Variants in TMEM74 observed in about 807,000 individuals in gnomAD.
The protein encoded by TMEM74 is transmembrane protein 74.
A neutral mutation model predicts 18.1 loss-of-function variants in TMEM74; 13 were observed. That is an observed-to-expected ratio of 0.72 (90% CI 0.47 to 1.14). The LOEUF (loss-of-function observed/expected upper bound fraction) is 1.14, where lower values mean the gene tolerates loss of function less well. Ranked by LOEUF, TMEM74 falls within the 50% of genes most tolerant of loss-of-function variation. TMEM74 has a pLI of 0.00. For missense variants in TMEM74, 372 were observed against 375.9 expected (o/e 0.99, Z 0.09); for synonymous variants, 159 against 146.6 (o/e 1.08, Z -0.61).
intron 1 of TMEM74, among the ~76,000 whole-genome samples, chr8:108,671,794 C>T (rs1158411966): frequency 6.6e-6 from 1 of 152,038 alleles, no homozygotes; most frequent in Non-Finnish European, 1.5e-5. Flanking sequence ...GAAATATATT[C>T]AAGCAGTTAA....
At chr8:108,727,761 A>G (rs1813653715) in intron 1 of TMEM74, among the ~76,000 whole-genome samples, 1 of 152,200 alleles carries the variant, frequency 6.6e-6, no homozygotes, top group African/African-American at 2.4e-5. Context: ...AATTGTGTCC[A>G]TAGAAATAGA....
intron 1 of TMEM74, among the ~76,000 whole-genome samples, chr8:108,680,596 A>C (rs1309022423): frequency 6.6e-6 from 1 of 152,228 alleles, no homozygotes; most frequent in Non-Finnish European, 1.5e-5. Flanking sequence ...ATTCCCTTTG[A>C]AAACTGGCAC....
intron 1 of TMEM74, among the ~76,000 whole-genome samples, chr8:108,719,500 T>A (rs559233954): frequency 6.6e-6 from 1 of 152,274 alleles, no homozygotes; most frequent in African/African-American, 2.4e-5. Context: ...TTCTTAATTG[T>A]TTTCTTATTC....
chr8:108,698,046 A>G (rs1319838929), intron 1 of TMEM74, among the ~76,000 whole-genome samples: 2 of 152,248 alleles, frequency 1.3e-5, no homozygotes, highest in African/African-American at 4.8e-5. Context: ...CTTAATCACG[A>G]AAGTCTGTGT....
intron 1 of TMEM74, among the ~76,000 whole-genome samples, chr8:108,753,616 G>T (rs1027001769): frequency 5.3e-5 from 8 of 152,088 alleles, no homozygotes; most frequent in African/African-American, 1.9e-4. Context: ...ACTTACTAAA[G>T]ATCCAGTTTG....
intron 1 of TMEM74, among the ~76,000 whole-genome samples, chr8:108,769,645 T>C (rs1814149601): frequency 6.6e-6 from 1 of 152,092 alleles, no homozygotes. Flanking sequence ...ACCGTGTACT[T>C]TGGCAGAGAC....
At chr8:108,612,178 A>C (rs77993702) in intron 2 of TMEM74, among the ~76,000 whole-genome samples, 1 of 152,128 alleles carries the variant, frequency 6.6e-6, no homozygotes, top group Non-Finnish European at 1.5e-5. Context: ...GGACACAGCC[A>C]AACTATATCA....
intron 1 of TMEM74, among the ~76,000 whole-genome samples, chr8:108,688,209 G>A (rs927160275): frequency 2.0e-5 from 3 of 152,084 alleles, no homozygotes; most frequent in African/African-American, 4.8e-5. Context: ...TATTTAACCT[G>A]GCTCTACATT....
At chr8:108,623,704 C>T (rs1169560549) in intron 2 of TMEM74, among the ~76,000 whole-genome samples, 1 of 151,996 alleles carries the variant, frequency 6.6e-6, no homozygotes, top group Non-Finnish European at 1.5e-5. Context: ...GATGGACTTT[C>T]CTGTTAATTT....
intron 1 of TMEM74, among the ~76,000 whole-genome samples, chr8:108,678,885 C>A (rs1371689119): frequency 2.0e-5 from 3 of 147,150 alleles, no homozygotes; most frequent in African/African-American, 7.5e-5. Flanking sequence ...CTCCTAATGC[C>A]ATCCTCCCCC....
chr8:108,750,274 T>C (rs1586283841), intron 1 of TMEM74, among the ~76,000 whole-genome samples: 1 of 152,180 alleles, frequency 6.6e-6, no homozygotes. Flanking sequence ...TATTTAATTA[T>C]GGAAATTCAT....
chr8:108,620,015 C>T (rs1206832036), intron 2 of TMEM74, among the ~76,000 whole-genome samples: 1 of 152,058 alleles, frequency 6.6e-6, no homozygotes, highest in African/African-American at 2.4e-5. Flanking sequence ...CCTTCTCTTG[C>T]ATTAGTTTGT....
At chr8:108,668,735 G>A (rs1812973641) in intron 1 of TMEM74, among the ~76,000 whole-genome samples, 1 of 152,076 alleles carries the variant, frequency 6.6e-6, no homozygotes, top group African/African-American at 2.4e-5. Context: ...ATATATCGGG[G>A]AAGTTTGACT....
At chr8:108,787,316 G>A (rs190135601) in intron 1 of TMEM74, among the ~76,000 whole-genome samples, 160 bp downstream of exon 1, 21 of 152,266 alleles carry the variant, frequency 1.4e-4, no homozygotes, top group African/African-American at 5.1e-4. Flanking sequence ...CATTTCTGGT[G>A]AACTCTGCGC....
intron 1 of TMEM74, among the ~76,000 whole-genome samples, chr8:108,735,624 G>C (rs1813741016): frequency 1.3e-5 from 2 of 151,988 alleles, no homozygotes. Flanking sequence ...ATGGACATTT[G>C]GGCTATTTCC....
At chr8:108,715,823 T>C (rs1813517998) in intron 1 of TMEM74, among the ~76,000 whole-genome samples, 1 of 152,008 alleles carries the variant, frequency 6.6e-6, no homozygotes, top group Non-Finnish European at 1.5e-5. Flanking sequence ...TTAAATTATA[T>C]AGATAGCTTA....
intron 1 of TMEM74, among the ~76,000 whole-genome samples, chr8:108,655,628 C>CT (rs2130575364): frequency 6.6e-6 from 1 of 152,262 alleles, no homozygotes; most frequent in African/African-American, 2.4e-5. Flanking sequence ...CCCCAAGCTG[C>CT]TGGATTCCAG....
At chr8:108,624,398 A>T (rs866049666) in intron 2 of TMEM74, among the ~76,000 whole-genome samples, 1 of 152,176 alleles carries the variant, frequency 6.6e-6, no homozygotes, top group South Asian at 2.1e-4. Context: ...CTTTGCTTAT[A>T]TTATTCCTCT....
In TMEM74 at chr8:108,784,565, GA is replaced by G. The variant is rs1165145827; in HGVS notation, c.533del (p.Phe178SerfsTer15). 6.2e-7 allele frequency: 1 copy of G among 1,614,144 alleles called. No homozygotes were observed. The highest frequency in any genetic ancestry group is 8.5e-7 in the Non-Finnish European group (1 of 1,180,040). On this transcript the variant is annotated frameshift_variant, in exon 2 of 2. Transcript: ENST00000297459. LOFTEE classifies it high-confidence loss of function. ...TSSGKSIDYG[F>X]ISAILFLVTG... ...TGACCAAGAACAAGATGGCGCTGAT[GA>G]AACCATAGTCTATAGACTTCCCTGA...
Sources: gnomAD v4.1 joint callset for allele counts (sites outside exome capture counted in the v4.1 genomes callset) on GRCh38, gnomAD v4.1.1 for gene constraint, MANE v1.5 for transcripts, NCBI Gene and HGNC (gene_info 2026-07-23, HGNC 2026-07-21) for gene names.